The following SLC6A5 variants were observed in gnomAD, a reference collection of about 807,000 sequenced individuals.
The protein encoded by SLC6A5 is sodium- and chloride-dependent glycine transporter 2.
In SLC6A5, 58 loss-of-function variants were observed where a neutral mutation model predicts 90.5. That is an observed-to-expected ratio of 0.64 (90% CI 0.52 to 0.80). The LOEUF is 0.80. Ranked by LOEUF, SLC6A5 falls within the 30% of genes least tolerant of loss-of-function variation. The pLI is 0.00. For synonymous variants in SLC6A5, 427 were observed against 401.4 expected (o/e 1.06, Z -0.76); for missense variants, 1,015 against 1,017.6 (o/e 1.00, Z 0.03).
intron 5 of SLC6A5, among the ~76,000 whole-genome samples, chr11:20,610,771 CA>C (rs1308989671): frequency 6.6e-6 from 1 of 152,070 alleles, no homozygotes; most frequent in East Asian, 1.9e-4. Flanking sequence ...GATTCTCAAC[CA>C]GGGGAGATTT....
At chr11:20,643,443 G>A (rs778449817) in intron 13 of SLC6A5, among the ~76,000 whole-genome samples, 1 of 152,210 alleles carries the variant, frequency 6.6e-6, no homozygotes, top group African/African-American at 2.4e-5. Context: ...AAAGCATGCA[G>A]TTCTTGCCTG....
At chr11:20,599,773 T>TG (rs1852422492) in intron 1 of SLC6A5, 98 bp downstream of exon 1, 1 of 1,385,432 alleles carries the variant, frequency 7.2e-7, no homozygotes, top group African/African-American at 1.4e-5. Context: ...GTCTGTGCAT[T>TG]GGGTGGGGGG....
At chr11:20,652,103 T>C (rs1220959653) in intron 14 of SLC6A5, among the ~76,000 whole-genome samples, 186 bp from the exon 15 acceptor site, 1 of 152,190 alleles carries the variant, frequency 6.6e-6, no homozygotes, top group African/African-American at 2.4e-5. Flanking sequence ...CAGCTCAGAA[T>C]ATATCATTTC....
chr11:20,624,211 T>A (rs765244060), intron 7 of SLC6A5, among the ~76,000 whole-genome samples: 24 of 151,612 alleles, frequency 1.6e-4, no homozygotes, highest in Non-Finnish European at 3.4e-4. Context: ...TGGAGTGCAG[T>A]GGTGTGATAT....
intron 14 of SLC6A5, among the ~76,000 whole-genome samples, chr11:20,648,919 C>A (rs986910667): frequency 6.6e-6 from 1 of 152,272 alleles, no homozygotes; most frequent in African/African-American, 2.4e-5. Flanking sequence ...TCATTTTACA[C>A]GTGTGTGCAC....
chr11:20,622,876 T>C (rs1852918443), intron 7 of SLC6A5, among the ~76,000 whole-genome samples: 1 of 152,198 alleles, frequency 6.6e-6, no homozygotes, highest in African/African-American at 2.4e-5. Flanking sequence ...CCGTGCTGTT[T>C]TGGGGGCAGG....
chr11:20,624,138 T>A (rs1852944317), intron 7 of SLC6A5, among the ~76,000 whole-genome samples: 1 of 149,136 alleles, frequency 6.7e-6, no homozygotes, highest in Non-Finnish European at 1.5e-5. Context: ...CCCAAGGGTT[T>A]TATATATATA....
At chr11:20,636,272 G>A in intron 10 of SLC6A5, 35 bp from the exon 11 acceptor site, 1 of 1,339,610 alleles carries the variant, frequency 7.5e-7, no homozygotes, top group Non-Finnish European at 1.1e-6. Flanking sequence ...CCTTGAGTAG[G>A]GCCTGCCTGC....
In SLC6A5 at chr11:20,638,482, T is replaced by C; in HGVS notation, c.1893T>C (p.Leu631=). The change falls in exon 13 of 16, where the codon CTT becomes CTC. Residue 631 remains leucine, a synonymous_variant. Transcript: ENST00000525748. ...ITQGGIYMFQ[L]VDTYAASYAL... ...AGGGTGGAATTTACATGTTTCAGCT[T>C]GTGGACACCTATGCTGCCTCCTATG... 1 of 1,612,866 alleles carries C rather than the reference T, an allele frequency of 6.2e-7. No individual in the cohort carries two copies. Among genetic ancestry groups the C allele is most frequent in the Non-Finnish European group, 8.5e-7 (1 of 1,178,878 alleles).
chr11:20,648,910 C>T (rs1159891739), intron 14 of SLC6A5, among the ~76,000 whole-genome samples: 1 of 152,206 alleles, frequency 6.6e-6, no homozygotes, highest in African/African-American at 2.4e-5. Flanking sequence ...ATTCCTCTCT[C>T]ATTTTACACG....
intron 13 of SLC6A5, among the ~76,000 whole-genome samples, chr11:20,640,622 C>T (rs186426516): frequency 2.5e-4 from 38 of 151,806 alleles, no homozygotes; most frequent in African/African-American, 8.9e-4. Flanking sequence ...GGGTGTGCGC[C>T]TCTGATTTGG....
At chr11:20,608,430 T>C (rs1243759694) in intron 5 of SLC6A5, among the ~76,000 whole-genome samples, 1 of 152,206 alleles carries the variant, frequency 6.6e-6, no homozygotes, top group Non-Finnish European at 1.5e-5. Context: ...ACTGACTGTA[T>C]GTATGTCTGG....
intron 13 of SLC6A5, among the ~76,000 whole-genome samples, chr11:20,639,396 A>G (rs1463566464): frequency 2.0e-5 from 3 of 152,182 alleles, no homozygotes; most frequent in Admixed American, 6.5e-5. Flanking sequence ...AGTTCAGACT[A>G]TCTAATTGCA....
At chr11:20,611,780 A>AC (rs1214680869) in intron 5 of SLC6A5, among the ~76,000 whole-genome samples, 49 of 150,740 alleles carry the variant, frequency 3.3e-4, no homozygotes, top group African/African-American at 1.1e-3. Context: ...AAAAAAAAAA[A>AC]AACAAGGTGT....
chr11:20,651,536 G>A (rs1048175851), intron 14 of SLC6A5, among the ~76,000 whole-genome samples: 7 of 151,226 alleles, frequency 4.6e-5, no homozygotes, highest in Admixed American at 6.6e-5. Context: ...GCCTCCCTAA[G>A]TGCTGGGATT....
chr11:20,601,297 G>C lies in SLC6A5; in HGVS notation c.172G>C (p.Gly58Arg), dbSNP rs2133767900. The C allele has an allele frequency of 6.3e-7, 1 of 1,590,592 alleles. No individual in the cohort carries two copies. The highest frequency in any genetic ancestry group is 8.5e-7 in the Non-Finnish European group (1 of 1,173,916). Residue 58 changes from glycine (G) to arginine (R), a missense_variant, in exon 2 of 16, where the codon GGC becomes CGC. Gly to Arg is a moderately radical substitution (Grantham distance 125, BLOSUM62 -2). Transcript: ENST00000525748. ...ACGTGTGCCCAGGTCCGCTTCCACC[G>C]GCGCCCAAACTTTCCAGTCAGCGGA... ...PPRVPRSAST[G>R]AQTFQSADAR...
chr11:20,651,715 C>T (rs1339955637), intron 14 of SLC6A5, among the ~76,000 whole-genome samples: 1 of 151,916 alleles, frequency 6.6e-6, no homozygotes, highest in Non-Finnish European at 1.5e-5. Context: ...TGAGATCAGC[C>T]TGGCCAACAT....
At chr11:20,643,330 A>T (rs1271498563) in intron 13 of SLC6A5, among the ~76,000 whole-genome samples, 1 of 151,362 alleles carries the variant, frequency 6.6e-6, no homozygotes, top group Non-Finnish European at 1.5e-5. Context: ...CTCTCCCCTC[A>T]CTTATGCTCA....
chr11:20,607,836 A>C (rs1237506371), intron 5 of SLC6A5, among the ~76,000 whole-genome samples, 184 bp downstream of exon 5: 1 of 152,230 alleles, frequency 6.6e-6, no homozygotes, highest in African/African-American at 2.4e-5. Flanking sequence ...GGCCCAGAGG[A>C]AAGCTTAATC....
Sources: gnomAD v4.1 joint callset for allele counts (sites outside exome capture counted in the v4.1 genomes callset) on GRCh38, gnomAD v4.1.1 for gene constraint, MANE v1.5 for transcripts, NCBI Gene and HGNC (gene_info 2026-07-23, HGNC 2026-07-21) for gene names.